The following KANK1 variants were observed in gnomAD, a reference collection of about 807,000 sequenced individuals.
The protein encoded by KANK1 is KN motif and ankyrin repeat domain-containing protein 1.
A neutral mutation model predicts 106.2 loss-of-function variants in KANK1; 109 were observed. The ratio of observed to expected loss-of-function variants is 1.03; its 90% CI spans 0.88 to 1.20. The LOEUF (loss-of-function observed/expected upper bound fraction) is 1.20. Among genes scored for constraint, KANK1 ranks in the 50% most tolerant of loss-of-function variants. The pLI is 0.00. For synonymous variants in KANK1, 873 were observed against 652.2 expected, an observed-to-expected ratio of 1.34 and a Z score of -5.16; for missense variants, 2,399 against 1,710.7, an observed-to-expected ratio of 1.40 and a Z score of -7.10.
chr9:602,507 C>A (rs1828022352), intron 1 of KANK1, among the ~76,000 whole-genome samples: 1 of 151,782 alleles, frequency 6.6e-6, no homozygotes, highest in African/African-American at 2.4e-5. Flanking sequence ...ATCCGCCTGC[C>A]TCAGCCTCCC....
At chr9:527,735 G>A (rs1417165227) in intron 1 of KANK1, among the ~76,000 whole-genome samples, 1 of 149,858 alleles carries the variant, frequency 6.7e-6, no homozygotes, top group African/African-American at 2.5e-5. Flanking sequence ...TACTAGTTTG[G>A]CCAGGTGTAC....
intron 1 of KANK1, among the ~76,000 whole-genome samples, chr9:655,616 A>G (rs563408367): frequency 3.3e-5 from 5 of 152,248 alleles, no homozygotes; most frequent in African/African-American, 1.2e-4. Context: ...TGCTGCTAAG[A>G]TTGCCCAGGG....
intron 1 of KANK1, among the ~76,000 whole-genome samples, chr9:536,802 G>A (rs2060324377): frequency 6.6e-6 from 1 of 152,188 alleles, no homozygotes. Context: ...CCTTTGGGGG[G>A]CGCATTTTTC....
At chr9:584,937 A>C (rs939206761) in intron 1 of KANK1, among the ~76,000 whole-genome samples, 2 of 152,172 alleles carry the variant, frequency 1.3e-5, no homozygotes, top group African/African-American at 4.8e-5. Flanking sequence ...GTTTCTCCTC[A>C]ATGCCTTGCA....
At position 744,579 on chromosome 9, in the gene KANK1, C is replaced by A. The variant is rs924507733; in HGVS notation, c.3986C>A (p.Ala1329Asp). Residue 1329 changes from alanine to aspartate, a missense_variant, in exon 11 of 12, where the codon GCC becomes GAC. Ala to Asp is a moderately radical substitution (Grantham distance 126). Transcript: ENST00000382297. ...TATGCCCATGTCAACTTTGCAAAAG[C>A]CCAGTCTCCGGTCAGTGTTGTGCAT... The part of the protein sequence containing the change: ...LLYAHVNFAK[A>D]QSPGTPRLGR... The A allele has an allele frequency of 1.2e-6, 2 of 1,614,008 alleles. No individual in the cohort carries two copies. Among genetic ancestry groups the A allele is most frequent in the African/African-American group, 2.7e-5 (2 of 74,902 alleles).
chr9:539,941 A>C (rs1243563411), intron 1 of KANK1, among the ~76,000 whole-genome samples: 1 of 152,188 alleles, frequency 6.6e-6, no homozygotes, highest in East Asian at 1.9e-4. Context: ...CTTTTGGTGA[A>C]GTTCTGAAGG....
chr9:727,052 A>G (rs888414116), intron 3 of KANK1, among the ~76,000 whole-genome samples: 1 of 152,162 alleles, frequency 6.6e-6, no homozygotes, highest in African/African-American at 2.4e-5. Context: ...ATGCTCATCT[A>G]TGTTAATATT....
intron 3 of KANK1, among the ~76,000 whole-genome samples, chr9:721,756 GCTTA>G (rs1237102492): frequency 6.6e-6 from 1 of 152,182 alleles, no homozygotes; most frequent in East Asian, 1.9e-4. Context: ...TTGTGGTAGG[GCTTA>G]CTATTAATCT....
intron 1 of KANK1, among the ~76,000 whole-genome samples, chr9:628,914 A>T (rs376110591): frequency 1.4e-5 from 2 of 146,282 alleles, no homozygotes; most frequent in Non-Finnish European, 2.9e-5. Context: ...CCCCATCTCT[A>T]CTAAAAATAC....
At chr9:628,801 G>A (rs573388074) in intron 1 of KANK1, among the ~76,000 whole-genome samples, 18 of 152,136 alleles carry the variant, frequency 1.2e-4, no homozygotes, top group South Asian at 6.2e-4. Context: ...ATCTTGGGCC[G>A]GGCATGGTGG....
chr9:722,120 C>T (rs1302226867), intron 3 of KANK1, among the ~76,000 whole-genome samples: 1 of 152,210 alleles, frequency 6.6e-6, no homozygotes, highest in Non-Finnish European at 1.5e-5. Flanking sequence ...ACAGGCCAAG[C>T]TAACTGTGGG....
intron 1 of KANK1, among the ~76,000 whole-genome samples, chr9:588,446 G>T (rs1351470209): frequency 6.6e-6 from 1 of 152,090 alleles, no homozygotes; most frequent in Admixed American, 6.5e-5. Context: ...TAGCACTCAG[G>T]TGTTGATGTA....
chr9:701,110 C>G (rs573622665), intron 2 of KANK1, among the ~76,000 whole-genome samples: 105 of 152,224 alleles, frequency 6.9e-4, no homozygotes, highest in South Asian at 1.5e-3. Context: ...AAATGAAAGA[C>G]TTGAAGACTA....
intron 1 of KANK1, among the ~76,000 whole-genome samples, chr9:533,101 T>G (rs1587577791): frequency 6.6e-6 from 1 of 152,316 alleles, no homozygotes; most frequent in South Asian, 2.1e-4. Flanking sequence ...ATGGAGATAT[T>G]GTGACTTATT....
At chr9:699,052 T>C (rs935792306) in intron 2 of KANK1, among the ~76,000 whole-genome samples, 6 of 152,138 alleles carry the variant, frequency 3.9e-5, no homozygotes, top group African/African-American at 1.4e-4. Context: ...AGGTTTTGCA[T>C]ATGCTCTTTC....
At chr9:579,486 C>G (rs1189327324) in intron 1 of KANK1, among the ~76,000 whole-genome samples, 5 of 152,204 alleles carry the variant, frequency 3.3e-5, no homozygotes, top group Non-Finnish European at 7.3e-5. Context: ...CCTTTCTGCA[C>G]TCCAGCTCTG....
At chr9:714,030 G>C (rs1363992858) in intron 3 of KANK1, among the ~76,000 whole-genome samples, 2 of 152,132 alleles carry the variant, frequency 1.3e-5, no homozygotes, top group Admixed American at 6.5e-5. Flanking sequence ...CTAGAGCCCA[G>C]AAATTTGAGA....
intron 1 of KANK1, among the ~76,000 whole-genome samples, chr9:610,856 C>G (rs920929359): frequency 1.3e-5 from 2 of 152,190 alleles, no homozygotes; most frequent in African/African-American, 2.4e-5. Flanking sequence ...TTTCTGGGAA[C>G]TGAGACTGGG....
rs565948690 is a variant in KANK1, at chr9:732,050, G to C, written c.3006-328G>C. The stretch of plus-strand genomic sequence containing the variant: ...AATAGGATGAAATAGGAAGACATGG[G>C]GTGGGGGGGGGACAAAAAGCACCTA... On this transcript the variant is annotated intron_variant, in intron 5 of 11. Coordinates refer to ENST00000382297, the MANE Select transcript of KANK1 (RefSeq NM_015158.5). The C allele has an allele frequency of 2.0e-5, 4 of 197,592 alleles. No individual in the cohort carries two copies. In the East Asian group the frequency reaches 4.7e-4, roughly 23 times the overall value. The allele number at this position is 197,592 out of a possible 1,614,324, so 12.2% of individuals were successfully genotyped here. A position where few individuals can be genotyped will look rare whatever the true frequency, so the allele number is the denominator to read the frequency against.
Sources: gnomAD v4.1 joint callset for allele counts (sites outside exome capture counted in the v4.1 genomes callset) on GRCh38, gnomAD v4.1.1 for gene constraint, MANE v1.5 for transcripts, NCBI Gene and HGNC (gene_info 2026-07-23, HGNC 2026-07-21) for gene names.